The following CHN2 variants were observed in gnomAD, a reference collection of about 807,000 sequenced individuals.
CHN2 encodes beta-chimaerin.
Under a neutral mutation model 56.3 loss-of-function variants are expected in CHN2, and 35 were observed. That is an observed-to-expected ratio of 0.62 (90% CI 0.47 to 0.82). CHN2 has a LOEUF of 0.82. CHN2 is among the 40% of genes least tolerant of loss of function. The pLI, the probability that CHN2 is intolerant of heterozygous loss-of-function variation, is 0.00. For missense variants in CHN2, 491 were observed against 580.5 expected (o/e 0.85, Z 1.58); for synonymous variants, 210 against 212.8 (o/e 0.99, Z 0.12).
At chr7:29,215,228 C>T (rs1369185854) in intron 1 of CHN2, among the ~76,000 whole-genome samples, 6 of 152,076 alleles carry the variant, frequency 3.9e-5, no homozygotes, top group Non-Finnish European at 7.4e-5. Context: ...ATTTTTGTGC[C>T]GTTTCATAGA....
At position 29,229,555 on chromosome 7, in the gene CHN2, G is replaced by A. The variant is rs113477744; in HGVS notation, c.49+34565G>A. Among the ~76,000 whole-genome samples the A allele has an allele frequency of 3.6e-3, 542 of 152,254 alleles. 3 individuals carry two copies. Among genetic ancestry groups the A allele is most frequent in the African/African-American group, 0.012 (509 of 41,548 alleles). On this transcript the variant is annotated intron_variant, in intron 1 of 12. Transcript: ENST00000222792. ...TAGTATACTGGTATTTTTCATTTTC[G>A]TTTGGTTTATCACCATTTGCTACAG...
rs368508761 is a variant in CHN2, at chr7:29,486,020, C to G, written c.654+5664C>G. On this transcript the variant is annotated intron_variant, in intron 7 of 12. Transcript: ENST00000222792. ...GTGTTCCCCACTCCCTTTCCACCCCCCTTCCACCTCCTGCCCAGCCTGTAC... is the reference window on the plus strand; with the variant it reads ...GTGTTCCCCACTCCCTTTCCACCCCGCTTCCACCTCCTGCCCAGCCTGTAC... Among the ~76,000 whole-genome samples, 6 of 152,246 alleles carry G rather than the reference C, an allele frequency of 3.9e-5. No homozygotes were observed. In the East Asian group the frequency reaches 9.7e-4, roughly 25 times the overall value.
chr7:29,243,313 T>G lies in CHN2; in HGVS notation c.49+48323T>G, dbSNP rs533908375. 2.0e-5 allele frequency among the ~76,000 whole-genome samples: 3 copies of G among 152,326 alleles called. No individual in the cohort carries two copies. In the South Asian group the frequency reaches 6.2e-4, roughly 32 times the overall value. On this transcript the variant is annotated intron_variant, in intron 1 of 12. Coordinates refer to ENST00000222792, the MANE Select transcript of CHN2 (RefSeq NM_004067.4). ...CTATTCCTGGCATTTTCCACCCAAT[T>G]TGAGACCATCATAGTCCACTGAATA...
chr7:29,315,944 C>A (rs574733887), intron 1 of CHN2, among the ~76,000 whole-genome samples: 13 of 152,206 alleles, frequency 8.5e-5, no homozygotes, highest in African/African-American at 3.1e-4. Flanking sequence ...TTAGAATACA[C>A]AAAAGGCTGT....
intron 3 of CHN2, among the ~76,000 whole-genome samples, chr7:29,391,390 G>A (rs1801359232): frequency 6.6e-6 from 1 of 151,064 alleles, no homozygotes; most frequent in South Asian, 2.1e-4. Flanking sequence ...GGGAGGAAGG[G>A]AGGGGAGAAG....
At chr7:29,363,416 T>C (rs1411513110) in intron 2 of CHN2, among the ~76,000 whole-genome samples, 2 of 151,924 alleles carry the variant, frequency 1.3e-5, no homozygotes, top group Non-Finnish European at 2.9e-5. Flanking sequence ...ATCCAGGAGG[T>C]GGAGGTTGCA....
chr7:29,338,027 T>C (rs1647612686), intron 1 of CHN2, among the ~76,000 whole-genome samples: 1 of 152,164 alleles, frequency 6.6e-6, no homozygotes, highest in African/African-American at 2.4e-5. Context: ...GCCCCATCTA[T>C]TTTTACTGGT....
intron 1 of CHN2, among the ~76,000 whole-genome samples, chr7:29,299,458 G>T (rs1793468150): frequency 6.6e-6 from 1 of 152,126 alleles, no homozygotes. Context: ...AGTGTTTTCT[G>T]TTCTAGTACT....
chr7:29,207,606 C>T (rs957038372), intron 1 of CHN2, among the ~76,000 whole-genome samples: 2 of 152,134 alleles, frequency 1.3e-5, no homozygotes, highest in African/African-American at 2.4e-5. Context: ...ACTCTATGGC[C>T]TCGAAGTAGA....
At chr7:29,395,528 T>C (rs1210003537) in intron 4 of CHN2, among the ~76,000 whole-genome samples, 1 of 152,040 alleles carries the variant, frequency 6.6e-6, no homozygotes, top group East Asian at 1.9e-4. Context: ...ATTAATAAAT[T>C]AATACCAATT....
chr7:29,398,017 A>AT (rs1801892326), intron 4 of CHN2: 1 of 178,096 alleles, frequency 5.6e-6, no homozygotes, highest in Admixed American at 6.3e-5. Context: ...TGAGAGCTAA[A>AT]TTGGTAATTG....
intron 2 of CHN2, among the ~76,000 whole-genome samples, chr7:29,174,100 G>A (rs1285540185): frequency 1.7e-4 from 26 of 152,172 alleles, no homozygotes. Flanking sequence ...GTGCTCTTGA[G>A]GAAGACTAGG....
chr7:29,500,059 A>G lies in CHN2; in HGVS notation c.913+19A>G. ...GCAAGAGGTTTGGAAAATACTTCCT[A>G]TTATAGTAGTATAGTGATTTTATTT... On this transcript the variant is annotated intron_variant, in intron 9 of 12. Coordinates refer to ENST00000222792, the MANE Select transcript of CHN2 (RefSeq NM_004067.4). 2.0e-6 allele frequency: 3 copies of G among 1,493,106 alleles called. No homozygotes were observed. The highest frequency in any genetic ancestry group is 2.7e-6 in the Non-Finnish European group (3 of 1,113,758). The allele number at this position is 1,493,106 out of a possible 1,614,324, so 92.5% of individuals were successfully genotyped here.
intron 2 of CHN2, among the ~76,000 whole-genome samples, chr7:29,180,573 A>G (rs1351162243): frequency 6.6e-6 from 1 of 152,230 alleles, no homozygotes; most frequent in African/African-American, 2.4e-5. Context: ...AAATTGATAT[A>G]AAAATGACTT....
At chr7:29,374,129 C>T (rs921444931) in intron 3 of CHN2, among the ~76,000 whole-genome samples, 1 of 152,152 alleles carries the variant, frequency 6.6e-6, no homozygotes, top group African/African-American at 2.4e-5. Context: ...TCATCCTAGA[C>T]TTTCTCTGCT....
chr7:29,512,269 A>AATG (rs1791556325), intron 12 of CHN2, among the ~76,000 whole-genome samples: 1 of 151,668 alleles, frequency 6.6e-6, no homozygotes, highest in African/African-American at 2.4e-5. Context: ...GTATTCCTCA[A>AATG]ATGATAGTTC....
intron 1 of CHN2, among the ~76,000 whole-genome samples, chr7:29,353,103 AG>A (rs774023944): frequency 2.6e-4 from 39 of 152,174 alleles, no homozygotes; most frequent in Non-Finnish European, 4.7e-4. Context: ...ATCCCTCTGT[AG>A]GTTCTTGACA....
At chr7:29,296,862 CTT>C (rs1357488670) in intron 1 of CHN2, among the ~76,000 whole-genome samples, 1 of 152,196 alleles carries the variant, frequency 6.6e-6, no homozygotes, top group Non-Finnish European at 1.5e-5. Context: ...GGGGTAAACA[CTT>C]TGCCTGTAAC....
intron 1 of CHN2, among the ~76,000 whole-genome samples, chr7:29,337,788 A>G (rs1020060259): frequency 6.6e-6 from 1 of 152,192 alleles, no homozygotes; most frequent in African/African-American, 2.4e-5. Flanking sequence ...CTTCCTGTAC[A>G]TCACAGACAC....
Sources: allele counts gnomAD v4.1 joint callset (sites outside exome capture counted in the v4.1 genomes callset), GRCh38; gene constraint gnomAD v4.1.1; transcripts MANE v1.5; gene names NCBI Gene and HGNC (gene_info 2026-07-23, HGNC 2026-07-21).